Variants in PDZRN4 observed in about 807,000 individuals in gnomAD.
PDZRN4 encodes the protein PDZ domain-containing RING finger protein 4.
A neutral mutation model predicts 99.0 loss-of-function variants in PDZRN4; 70 were observed. That is an observed-to-expected ratio of 0.71 (90% CI 0.58 to 0.86). The LOEUF is 0.86. PDZRN4 is among the 40% of genes least tolerant of loss of function. The pLI is 0.00. For synonymous variants in PDZRN4, 551 were observed against 501.6 expected (o/e 1.10, Z -1.32); for missense variants, 1,474 against 1,331.2 (o/e 1.11, Z -1.67).
intron 3 of PDZRN4, among the ~76,000 whole-genome samples, chr12:41,210,611 T>C (rs1411086226): frequency 6.6e-6 from 1 of 152,124 alleles, no homozygotes; most frequent in East Asian, 1.9e-4. Flanking sequence ...TTATTTTACT[T>C]GTGTACAGTT....
intron 3 of PDZRN4, among the ~76,000 whole-genome samples, chr12:41,471,935 T>G (rs11180936): frequency 0.15 from 23,044 of 151,746 alleles, 2,161 homozygotes; most frequent in Non-Finnish European, 0.21. Flanking sequence ...AGGTGGCAAA[T>G]GATATCAATC....
intron 3 of PDZRN4, among the ~76,000 whole-genome samples, chr12:41,410,208 C>T (rs577864427): frequency 2.0e-5 from 3 of 152,224 alleles, no homozygotes; most frequent in Admixed American, 2.0e-4. Flanking sequence ...ATTTCTAACA[C>T]GATTTTTCAT....
At chr12:41,521,247 C>T (rs1015606471) in intron 5 of PDZRN4, among the ~76,000 whole-genome samples, 4 of 152,044 alleles carry the variant, frequency 2.6e-5, no homozygotes, top group Non-Finnish European at 5.9e-5. Flanking sequence ...AAATCTGATA[C>T]TTTTTCTTCA....
At chr12:41,511,455 A>G (rs1360256370) in intron 5 of PDZRN4, among the ~76,000 whole-genome samples, 1 of 152,016 alleles carries the variant, frequency 6.6e-6, no homozygotes, top group East Asian at 1.9e-4. Context: ...ATCTCAACTA[A>G]TCACAGCATC....
At chr12:41,495,321 G>A (rs17129405) in intron 3 of PDZRN4, among the ~76,000 whole-genome samples, 11,000 of 152,048 alleles carry the variant, frequency 0.072, 977 homozygotes, top group African/African-American at 0.19. Context: ...GATGGGCAAC[G>A]TCTACTTGGA....
At chr12:41,244,360 C>G (rs924944255) in intron 3 of PDZRN4, among the ~76,000 whole-genome samples, 4 of 152,184 alleles carry the variant, frequency 2.6e-5, no homozygotes, top group African/African-American at 9.7e-5. Context: ...GGTGTATTCT[C>G]CATACCACAA....
chr12:41,522,813 C>T (rs1938515971), intron 5 of PDZRN4, among the ~76,000 whole-genome samples: 1 of 152,072 alleles, frequency 6.6e-6, no homozygotes, highest in Non-Finnish European at 1.5e-5. Context: ...AGTATCAGAT[C>T]AATCATGTGA....
At chr12:41,421,804 T>C (rs1952492957) in intron 3 of PDZRN4, among the ~76,000 whole-genome samples, 1 of 152,190 alleles carries the variant, frequency 6.6e-6, no homozygotes. Context: ...TATCCCATCT[T>C]ATTATATTTT....
At chr12:41,306,454 C>A (rs1951570085) in intron 3 of PDZRN4, among the ~76,000 whole-genome samples, 1 of 152,174 alleles carries the variant, frequency 6.6e-6, no homozygotes, top group South Asian at 2.1e-4. Flanking sequence ...GTCTGACAGC[C>A]ATCCTTCCAT....
At chr12:41,457,503 AACAAACTTC>A (rs1952826235) in intron 3 of PDZRN4, among the ~76,000 whole-genome samples, 1 of 152,202 alleles carries the variant, frequency 6.6e-6, no homozygotes, top group Non-Finnish European at 1.5e-5. Flanking sequence ...GAAGCTTCAT[AACAAACTTC>A]ACAGCCATGA....
chr12:41,338,161 A>C, intron 3 of PDZRN4, among the ~76,000 whole-genome samples: 1 of 152,124 alleles, frequency 6.6e-6, no homozygotes, highest in African/African-American at 2.4e-5. Flanking sequence ...TCTATATCTA[A>C]GTATGCGACT....
intron 5 of PDZRN4, among the ~76,000 whole-genome samples, chr12:41,542,676 C>T (rs768791938): frequency 1.3e-5 from 2 of 152,118 alleles, no homozygotes; most frequent in Non-Finnish European, 2.9e-5. Flanking sequence ...GTCAGGAGGC[C>T]TGGTTTCTAC....
intron 3 of PDZRN4, among the ~76,000 whole-genome samples, chr12:41,361,677 T>C (rs10506189): frequency 0.36 from 55,292 of 151,884 alleles, 10,157 homozygotes; most frequent in Non-Finnish European, 0.39. Flanking sequence ...AGTTTAGAAA[T>C]GGACGTCTTG....
At position 41,191,520 on chromosome 12, in the gene PDZRN4, T is replaced by C. The variant is rs755683201; in HGVS notation, c.711T>C (p.Asn237=). Residue 237 remains asparagine, a synonymous_variant, in exon 2 of 10, where the codon AAT becomes AAC. Transcript: ENST00000402685. ...LERENDTLGF[N]IIGGRPNQNN... Reference sequence around the variant, plus strand: ...GAGAAAATGACACTTTGGGATTCAATATTATAGGAGGTCGACCAAATCAGG... The same window carrying C: ...GAGAAAATGACACTTTGGGATTCAACATTATAGGAGGTCGACCAAATCAGG... 6 of 1,560,018 alleles carry C rather than the reference T, an allele frequency of 3.8e-6. No homozygotes were observed. The African/African-American group carries it at 4.0e-5, about 11-fold the overall frequency.
intron 3 of PDZRN4, among the ~76,000 whole-genome samples, chr12:41,339,469 A>T (rs568679972): frequency 2.0e-5 from 3 of 152,120 alleles, no homozygotes; most frequent in Non-Finnish European, 2.9e-5. Context: ...TAATGAAACG[A>T]CTACAAGAAA....
At position 41,573,813 on chromosome 12, in the gene PDZRN4, G is replaced by A. The variant is rs1008258122; in HGVS notation, c.3034G>A (p.Glu1012Lys). The A allele has an allele frequency of 2.5e-6, 4 of 1,612,420 alleles. No individual in the cohort carries two copies. The highest frequency in any genetic ancestry group is 1.1e-5 in the South Asian group (1 of 90,864). ...KILDNWMTIQELMTHGAKSPD... is the reference protein window; with the variant it reads ...KILDNWMTIQKLMTHGAKSPD... ...TTTGGACAACTGGATGACAATCCAA[G>A]AACTGATGACCCATGGGGCCAAGTC... Residue 1012 changes from glutamate (E) to lysine (K), a missense_variant, in exon 10 of 10, where the codon GAA becomes AAA. Physicochemically the swap from Glu to Lys is moderately conservative, Grantham distance 56. Transcript: ENST00000402685.
At chr12:41,278,089 A>T (rs1004239178) in intron 3 of PDZRN4, among the ~76,000 whole-genome samples, 1 of 152,206 alleles carries the variant, frequency 6.6e-6, no homozygotes, top group Non-Finnish European at 1.5e-5. Flanking sequence ...TTGCATGGAC[A>T]CTAAGATGAT....
intron 3 of PDZRN4, among the ~76,000 whole-genome samples, chr12:41,454,443 C>G (rs1952801783): frequency 6.6e-6 from 1 of 152,026 alleles, no homozygotes; most frequent in African/African-American, 2.4e-5. Flanking sequence ...TCTTTTCTTA[C>G]AAAATTCAAA....
chr12:41,382,289 CTG>C (rs1409938971), intron 3 of PDZRN4, among the ~76,000 whole-genome samples: 4 of 152,160 alleles, frequency 2.6e-5, no homozygotes, highest in African/African-American at 9.7e-5. Flanking sequence ...GAGCGTCAGA[CTG>C]TGCTCTACAA....
Sources: allele counts gnomAD v4.1 joint callset (sites outside exome capture counted in the v4.1 genomes callset), GRCh38; gene constraint gnomAD v4.1.1; transcripts MANE v1.5; gene names NCBI Gene and HGNC (gene_info 2026-07-23, HGNC 2026-07-21).